The following RNF41 variants were observed in gnomAD, a reference collection of about 807,000 sequenced individuals.
The protein encoded by RNF41 is ring finger protein 41.
A neutral mutation model predicts 33.0 loss-of-function variants in RNF41; 4 were observed. The observed-to-expected ratio is 0.12, with a 90% CI of 0.06 to 0.28. RNF41 has a LOEUF of 0.28. Among genes scored for constraint, RNF41 ranks in the 10% least tolerant of loss-of-function variants. The pLI, the probability that RNF41 is intolerant of heterozygous loss-of-function variation, is 1.00. For missense variants in RNF41, 228 were observed against 432.6 expected, an observed-to-expected ratio of 0.53 and a Z score of 4.19; for synonymous variants, 164 against 153.2, an observed-to-expected ratio of 1.07 and a Z score of -0.52.
At position 56,206,338 on chromosome 12, in the gene RNF41, T is replaced by G; in HGVS notation, c.*109A>C. ...CCAGAAGGGCAGGGAGATGTGTGGC[T>G]CAGGTATAAGCCACAGTATTAAGAA... On this transcript the variant is annotated 3_prime_UTR_variant, in exon 7 of 7. Coordinates refer to ENST00000345093, the MANE Select transcript of RNF41 (RefSeq NM_005785.4). This position sits in a 1 kb window ranked among gnomAD's most constrained non-coding sequence, Gnocchi z 5.7. 1.0e-6 allele frequency: 1 copy of G among 966,138 alleles called. No individual in the cohort carries two copies. 59.8% of individuals were successfully genotyped at this position (966,138 alleles called of 1,614,324 possible).
chr12:56,213,099 A>C lies in RNF41; in HGVS notation c.90+859T>G, dbSNP rs1360955057. 4 of 1,289,654 alleles carry C rather than the reference A, an allele frequency of 3.1e-6. No homozygotes were observed. The African/African-American group carries it at 6.1e-5, about 20-fold the overall frequency. 79.9% of individuals were successfully genotyped at this position (1,289,654 alleles called of 1,614,324 possible). ...TGACCTATTGAAGGTGGCAGCTTTC[A>C]CATCAAAATGCAGAGTGCATGGCTG... On this transcript the variant is annotated intron_variant, in intron 3 of 6. Transcript: ENST00000345093.
intron 4 of RNF41, among the ~76,000 whole-genome samples, chr12:56,209,708 T>G (rs939993503): frequency 6.6e-6 from 1 of 151,838 alleles, no homozygotes; most frequent in Non-Finnish European, 1.5e-5. Flanking sequence ...CCACCCGCCT[T>G]GGCCTCCCAA....
chr12:56,207,306 G>A (rs1187378934), intron 6 of RNF41: 6 of 1,337,032 alleles, frequency 4.5e-6, no homozygotes, highest in Non-Finnish European at 5.9e-6. Context: ...TGGGTTGTAA[G>A]CTACCTGAAG....
rs1224570473 is a variant in RNF41, at chr12:56,205,257, A to C, written c.*1190T>G. 2 of 152,210 alleles carry C rather than the reference A, an allele frequency of 1.3e-5. No individual in the cohort carries two copies. Among genetic ancestry groups the C allele is most frequent in the Non-Finnish European group, 2.9e-5 (2 of 68,050 alleles). The allele number at this position is 152,210 out of a possible 1,614,324, so 9.4% of individuals were successfully genotyped here. A position where few individuals can be genotyped will look rare whatever the true frequency, so the allele number is the denominator to read the frequency against. ...GCTGGACTGTCATATCCTTCACAGG[A>C]AGAGAGGAAGCTCCTCATTTCAGTT... On this transcript the variant is annotated 3_prime_UTR_variant, in exon 7 of 7. Transcript: ENST00000345093.
rs1468137049 is a variant in RNF41 at position 56,202,949 on chromosome 12, A to G, written c.*3498T>C. On this transcript the variant is annotated 3_prime_UTR_variant, in exon 7 of 7. Transcript: ENST00000345093. ...AGTTTAAGGGGGGAAAAGCACTGCT[A>G]ATGTCACTAGGATACATACATTGCC... The G allele has an allele frequency of 6.6e-6, 1 of 152,206 alleles. No homozygotes were observed. Among genetic ancestry groups the G allele is most frequent in the Non-Finnish European group, 1.5e-5 (1 of 68,034 alleles). 9.4% of individuals were successfully genotyped at this position (152,206 alleles called of 1,614,324 possible). A position where few individuals can be genotyped will look rare whatever the true frequency, so the allele number is the denominator to read the frequency against.
intron 1 of RNF41, chr12:56,221,490 C>T: frequency 6.6e-6 from 1 of 152,610 alleles, no homozygotes; most frequent in Non-Finnish European, 1.5e-5. Context: ...TCTGCAGGTG[C>T]CGGTCCTCCA....
In RNF41 at chr12:56,210,346, C is replaced by T. The variant is rs775735983; in HGVS notation, c.313G>A (p.Asp105Asn). ...RLDNLMSHLS[D>N]CEHNPKRPVT... ...GGCCGCTTCGGGTTGTGCTCACAGTCGCTGAGGTGAGACATGAGGTTGTCA... is the reference window on the plus strand; with the variant it reads ...GGCCGCTTCGGGTTGTGCTCACAGTTGCTGAGGTGAGACATGAGGTTGTCA... The change falls in exon 4 of 7, where the codon GAC becomes AAC. Residue 105 changes from aspartate (D) to asparagine (N), a missense_variant. By Grantham distance (23) the Asp-to-Asn change is conservative. Transcript: ENST00000345093. The T allele has an allele frequency of 8.1e-6, 13 of 1,613,994 alleles. No homozygotes were observed. Among genetic ancestry groups the T allele is most frequent in the Admixed American group, 3.3e-5 (2 of 59,992 alleles).
At chr12:56,216,806 G>A (rs190081452) in intron 1 of RNF41, among the ~76,000 whole-genome samples, 193 bp from the exon 2 acceptor site, 36 of 152,254 alleles carry the variant, frequency 2.4e-4, no homozygotes, top group African/African-American at 6.5e-4. Flanking sequence ...GCACACACAC[G>A]GGGTCCAGTA....
intron 1 of RNF41, among the ~76,000 whole-genome samples, chr12:56,217,495 C>A (rs1868993966): frequency 6.6e-6 from 1 of 151,998 alleles, no homozygotes; most frequent in Admixed American, 6.6e-5. Context: ...TTGCAGTGAG[C>A]CAAGATCGCG....
At chr12:56,209,527 T>C (rs887143854) in intron 4 of RNF41, among the ~76,000 whole-genome samples, 1 of 151,714 alleles carries the variant, frequency 6.6e-6, no homozygotes, top group Admixed American at 6.6e-5. Context: ...GCTCAATCTC[T>C]GCTCACTGCA....
At chr12:56,216,218 A>T (rs1868882495) in intron 2 of RNF41, among the ~76,000 whole-genome samples, 1 of 152,228 alleles carries the variant, frequency 6.6e-6, no homozygotes, top group Non-Finnish European at 1.5e-5. Flanking sequence ...ATAAAAACAC[A>T]TAAACGTATT....
At chr12:56,221,145 C>T (rs886557008) in intron 1 of RNF41, among the ~76,000 whole-genome samples, 1 of 152,170 alleles carries the variant, frequency 6.6e-6, no homozygotes, top group Non-Finnish European at 1.5e-5. Context: ...GCCCCCTCCT[C>T]CCCACTACCC....
intron 6 of RNF41, chr12:56,207,435 C>T (rs750115428): frequency 1.7e-5 from 13 of 769,166 alleles, no homozygotes. Flanking sequence ...GGCAGGCTTT[C>T]CCTCCATCCA....
At chr12:56,215,291 A>C (rs1488239811) in intron 2 of RNF41, among the ~76,000 whole-genome samples, 1 of 150,056 alleles carries the variant, frequency 6.7e-6, no homozygotes, top group African/African-American at 2.4e-5. Flanking sequence ...TGAAGGACTT[A>C]AAAAACAATG....
chr12:56,216,435 A>G lies in RNF41; in HGVS notation c.-30T>C, dbSNP rs1350946608. ...CTGAATCAAAGCTCTTTACCTTCCA[A>G]GTGTTGGGGGGCAGGTTCCCTGTTC... On this transcript the variant is annotated 5_prime_UTR_variant, in exon 2 of 7. Coordinates refer to ENST00000345093, the MANE Select transcript of RNF41 (RefSeq NM_005785.4). The G allele has an allele frequency of 5.3e-5, 8 of 152,176 alleles. No homozygotes were observed. The highest frequency in any genetic ancestry group is 4.6e-4 in the Admixed American group (7 of 15,268). The allele number at this position is 152,176 out of a possible 1,614,324, so 9.4% of individuals were successfully genotyped here.
rs1347997230 is a variant in RNF41, at chr12:56,206,299, A to G, written c.*148T>C. 9.6e-6 allele frequency: 7 copies of G among 727,170 alleles called. No individual in the cohort carries two copies. The highest frequency in any genetic ancestry group is 1.4e-5 in the Non-Finnish European group (6 of 432,402). 45.0% of individuals were successfully genotyped at this position (727,170 alleles called of 1,614,324 possible). On this transcript the variant is annotated 3_prime_UTR_variant, in exon 7 of 7. Transcript: ENST00000345093. The surrounding 1 kb of genome is among the most constrained non-coding windows in gnomAD (Gnocchi z 5.7). ...CCTGAAAGGCTGAGCAAACTACCCC[A>G]AGGCCCTTCAGTGCCAGAAGGGCAG...
At chr12:56,213,577 A>G (rs1262943558) in intron 3 of RNF41, among the ~76,000 whole-genome samples, 2 of 152,172 alleles carry the variant, frequency 1.3e-5, no homozygotes, top group Non-Finnish European at 2.9e-5. Flanking sequence ...AAAAATGCAG[A>G]GAGAACTTAT....
At chr12:56,220,153 C>T (rs1440701617) in intron 1 of RNF41, among the ~76,000 whole-genome samples, 3 of 151,930 alleles carry the variant, frequency 2.0e-5, no homozygotes, top group Non-Finnish European at 4.4e-5. Flanking sequence ...TGCCTGTAAT[C>T]CTAGCACTTT....
At chr12:56,213,000 T>G in intron 3 of RNF41, 1 of 1,289,736 alleles carries the variant, frequency 7.8e-7, no homozygotes, top group Non-Finnish European at 1.0e-6. Context: ...ACTTGCCTGG[T>G]AATCGTGAGC....
Sources: gnomAD v4.1 joint callset for allele counts (sites outside exome capture counted in the v4.1 genomes callset) on GRCh38, gnomAD v4.1.1 for gene constraint, Gnocchi (gnomAD v3.1) non-coding constraint, MANE v1.5 for transcripts, NCBI Gene and HGNC (gene_info 2026-07-23, HGNC 2026-07-21) for gene names.